Variants in ERO1B observed in about 807,000 individuals in gnomAD.
The protein encoded by ERO1B is ERO1-like protein beta.
A neutral mutation model predicts 75.3 loss-of-function variants in ERO1B; 49 were observed. The ratio of observed to expected loss-of-function variants is 0.65; its 90% CI spans 0.52 to 0.83. The LOEUF (loss-of-function observed/expected upper bound fraction) is 0.83. Among genes scored for constraint, ERO1B ranks in the 40% least tolerant of loss-of-function variants. The probability of loss-of-function intolerance (pLI) is 0.00; values close to 1 mark genes in which losing one functional copy is unlikely to be tolerated. For synonymous variants in ERO1B, 191 were observed against 192.9 expected (o/e 0.99, Z 0.08); for missense variants, 512 against 560.1 (o/e 0.91, Z 0.87).
At chr1:236,281,645 G>A (rs943642654) in intron 1 of ERO1B, 37 bp downstream of exon 1, 1 of 1,330,804 alleles carries the variant, frequency 7.5e-7, no homozygotes, top group Non-Finnish European at 9.7e-7. Flanking sequence ...GCGGGTGTTC[G>A]GCCGGGGGTT....
intron 1 of ERO1B, among the ~76,000 whole-genome samples, chr1:236,281,226 G>T (rs992625836): frequency 6.6e-6 from 1 of 152,166 alleles, no homozygotes; most frequent in Non-Finnish European, 1.5e-5. Context: ...AATCCCCTGC[G>T]CCTGGCGGGG....
chr1:236,235,639 G>A (rs1008791161), intron 8 of ERO1B, 150 bp downstream of exon 8: 10 of 650,820 alleles, frequency 1.5e-5, no homozygotes, highest in South Asian at 7.0e-5. Flanking sequence ...TAGAGATCTC[G>A]AGACTCGACT....
At chr1:236,269,234 C>A (rs980670505) in intron 2 of ERO1B, among the ~76,000 whole-genome samples, 2 of 152,060 alleles carry the variant, frequency 1.3e-5, no homozygotes, top group Non-Finnish European at 2.9e-5. Flanking sequence ...GACTTCATCT[C>A]AAAAATAGTA....
chr1:236,238,211 T>C (rs1664590700), intron 6 of ERO1B, among the ~76,000 whole-genome samples: 3 of 152,190 alleles, frequency 2.0e-5, no homozygotes, highest in African/African-American at 7.2e-5. Flanking sequence ...ACTGGCTCTA[T>C]TTCTAGCTCT....
intron 6 of ERO1B, among the ~76,000 whole-genome samples, chr1:236,242,930 A>C (rs1572045283): frequency 6.6e-6 from 1 of 152,216 alleles, no homozygotes; most frequent in Non-Finnish European, 1.5e-5. Context: ...GTCGAATTAG[A>C]GTCCTCCCCA....
chr1:236,244,392 C>T (rs1300227299), intron 5 of ERO1B, among the ~76,000 whole-genome samples: 2 of 152,088 alleles, frequency 1.3e-5, no homozygotes, highest in Non-Finnish European at 2.9e-5. Flanking sequence ...TTTTCCAGTT[C>T]AACTTACTGT....
intron 6 of ERO1B, among the ~76,000 whole-genome samples, chr1:236,238,539 TTAAA>T (rs1306885066): frequency 2.3e-5 from 2 of 87,200 alleles, no homozygotes; most frequent in Admixed American, 1.3e-4. Context: ...TTTTTTTTTT[TTAAA>T]AAAAAAAAGA....
intron 10 of ERO1B, among the ~76,000 whole-genome samples, chr1:236,227,800 C>T (rs3768093): frequency 0.068 from 10,368 of 152,068 alleles, 738 homozygotes; most frequent in East Asian, 0.39. Flanking sequence ...TGGCCTCTAA[C>T]TAGAAAAAAT....
chr1:236,279,748 G>A (rs568242948), intron 1 of ERO1B, among the ~76,000 whole-genome samples: 4 of 151,274 alleles, frequency 2.6e-5, no homozygotes, highest in African/African-American at 9.7e-5. Context: ...GGGAAGCTGA[G>A]GCAGACAGAA....
intron 6 of ERO1B, among the ~76,000 whole-genome samples, chr1:236,237,632 G>T (rs781541513): frequency 3.9e-5 from 6 of 151,998 alleles, no homozygotes; most frequent in Non-Finnish European, 8.8e-5. Context: ...GCTTACTACC[G>T]TTTGTTGTCA....
intron 6 of ERO1B, among the ~76,000 whole-genome samples, chr1:236,241,082 A>C (rs1664686636): frequency 1.3e-5 from 2 of 152,234 alleles, no homozygotes; most frequent in African/African-American, 2.4e-5. Flanking sequence ...ATCTATAGGG[A>C]TCATCTTCCA....
At position 236,281,689 on chromosome 1, in the gene ERO1B, T is replaced by G; in HGVS notation, c.95A>C (p.Glu32Ala). ...VTLSFLRSVV[E>A]AQVTGVLDDC... is the part of the protein sequence containing the mutation. ...GCTATCACTCGGGCTTACCTGCGCCTCGACGACGCTCCGCAGGAAGCTCAG... is the reference window on the plus strand; with the variant it reads ...GCTATCACTCGGGCTTACCTGCGCCGCGACGACGCTCCGCAGGAAGCTCAG... Residue 32 changes from glutamate to alanine, a missense_variant, in exon 1 of 16, where the codon GAG (glutamate) becomes GCG (alanine). By Grantham distance (107) the Glu-to-Ala change is moderately radical (BLOSUM62 -1). Coordinates refer to ENST00000354619, the MANE Select transcript of ERO1B (RefSeq NM_019891.4). The G allele has an allele frequency of 6.8e-7, 1 of 1,480,062 alleles. No homozygotes were observed. Among genetic ancestry groups the G allele is most frequent in the Non-Finnish European group, 9.0e-7 (1 of 1,113,846 alleles). 91.7% of individuals were successfully genotyped at this position (1,480,062 alleles called of 1,614,324 possible).
chr1:236,225,947 GTAAA>G (rs934415041), intron 12 of ERO1B, among the ~76,000 whole-genome samples: 7 of 152,040 alleles, frequency 4.6e-5, no homozygotes, highest in African/African-American at 1.7e-4. Context: ...AAATAAGTAA[GTAAA>G]TAAAGTGACT....
At position 236,217,376 on chromosome 1, in the gene ERO1B, G is replaced by A. The variant is rs1664017673; in HGVS notation, c.*1140C>T. ...GGACTGTTGGTATGAATCACAGAAAGTCCTCTGTTGGTATGAATCACAGAA... is the reference window on the plus strand; with the variant it reads ...GGACTGTTGGTATGAATCACAGAAAATCCTCTGTTGGTATGAATCACAGAA... On this transcript the variant is annotated 3_prime_UTR_variant, in exon 16 of 16. Coordinates refer to ENST00000354619, the MANE Select transcript of ERO1B (RefSeq NM_019891.4). 2.2e-5 allele frequency: 1 copy of A among 44,548 alleles called. No individual in the cohort carries two copies. The highest frequency in any genetic ancestry group is 3.1e-4 in the Admixed American group (1 of 3,246). 2.8% of individuals were successfully genotyped at this position (44,548 alleles called of 1,614,324 possible).
In ERO1B at chr1:236,218,498, GAC is replaced by G; in HGVS notation, c.*16_*17del. The G allele has an allele frequency of 1.4e-6, 2 of 1,431,844 alleles. No homozygotes were observed. Among genetic ancestry groups the G allele is most frequent in the Non-Finnish European group, 1.8e-6 (2 of 1,088,030 alleles). 88.7% of individuals were successfully genotyped at this position (1,431,844 alleles called of 1,614,324 possible). On this transcript the variant is annotated 3_prime_UTR_variant, in exon 16 of 16. Transcript: ENST00000354619. ...CACAGTCACTTTATGTCTCTAGTTA[GAC>G]ACATAAAAGCCTTTATTACCTACTG... is the stretch of plus-strand genomic sequence containing the variant.
intron 2 of ERO1B, among the ~76,000 whole-genome samples, chr1:236,267,411 A>G (rs1472495332): frequency 6.6e-6 from 1 of 152,210 alleles, no homozygotes; most frequent in African/African-American, 2.4e-5. Context: ...TTTTGGTGTG[A>G]AGATTAAACG....
At chr1:236,234,966 C>T (rs1664501082) in intron 8 of ERO1B, among the ~76,000 whole-genome samples, 1 of 152,144 alleles carries the variant, frequency 6.6e-6, no homozygotes, top group African/African-American at 2.4e-5. Flanking sequence ...CAAAAGTATA[C>T]ACACACTACA....
intron 5 of ERO1B, among the ~76,000 whole-genome samples, chr1:236,246,267 A>G (rs1014118875): frequency 1.3e-5 from 2 of 151,988 alleles, no homozygotes; most frequent in Non-Finnish European, 2.9e-5. Flanking sequence ...TCATGAACTC[A>G]AAGTGATCCT....
At position 236,227,706 on chromosome 1, in the gene ERO1B, G is replaced by T. The variant is rs559660093; in HGVS notation, c.713-967C>A. ...GGGGAAATTTTTTTTTAATGTAAGA[G>T]TATGTGGTTTTCTTTGTGTCTATTA... On this transcript the variant is annotated intron_variant, in intron 10 of 15. Coordinates refer to ENST00000354619, the MANE Select transcript of ERO1B (RefSeq NM_019891.4). 1.5e-4 allele frequency among the ~76,000 whole-genome samples: 23 copies of T among 152,196 alleles called. No individual in the cohort carries two copies. The South Asian group carries it at 4.6e-3, about 30-fold the overall frequency.
Sources: allele counts gnomAD v4.1 joint callset (sites outside exome capture counted in the v4.1 genomes callset), GRCh38; gene constraint gnomAD v4.1.1; transcripts MANE v1.5; gene names NCBI Gene and HGNC (gene_info 2026-07-23, HGNC 2026-07-21).